RILP: variants seen among roughly 807,000 people sequenced by gnomAD.
The protein encoded by RILP is rab-interacting lysosomal protein.
In RILP, 53 loss-of-function variants were observed where a neutral mutation model predicts 40.0. The observed-to-expected ratio is 1.32, with a 90% CI of 1.06 to 1.66. RILP has a LOEUF of 1.66. Among genes scored for constraint, RILP ranks in the 40% most tolerant of loss-of-function variants. The probability of loss-of-function intolerance (pLI) is 0.00; values close to 1 mark genes in which losing one functional copy is unlikely to be tolerated. For synonymous variants in RILP, 272 were observed against 250.6 expected, an observed-to-expected ratio of 1.09 and a Z score of -0.80; for missense variants, 626 against 551.7, an observed-to-expected ratio of 1.13 and a Z score of -1.35.
Position 1,647,855 on chromosome 17 carries a change from T to C in RILP, c.924A>G (p.Thr308=). The C allele has an allele frequency of 4.3e-6, 7 of 1,614,124 alleles. No individual in the cohort carries two copies. The highest frequency in any genetic ancestry group is 5.9e-6 in the Non-Finnish European group (7 of 1,179,996). ...RKKIKAKMLG[T]PEEAESSEDE... ...CCTACCTGCTCTCTGCTTCCTCTGG[T>C]GTCCCTAACATCTTGGCCTTGATCT... Residue 308 remains threonine, a synonymous_variant, in exon 6 of 8, where the codon ACA becomes ACG. Transcript: ENST00000301336.
chr17:1,647,798 G>A (rs774247953), intron 6 of RILP, 37 bp downstream of exon 6: 9 of 1,613,238 alleles, frequency 5.6e-6, no homozygotes, highest in Non-Finnish European at 5.9e-6. Context: ...ATGAGGGAGG[G>A]AGGCCTGGCT....
rs1910604940 is a variant in RILP, at chr17:1,646,779, A to C, written c.1028+127T>G. 1.9e-6 allele frequency: 2 copies of C among 1,041,536 alleles called. No homozygotes were observed. The highest frequency in any genetic ancestry group is 2.8e-6 in the Non-Finnish European group (2 of 715,646). 64.5% of individuals were successfully genotyped at this position (1,041,536 alleles called of 1,614,324 possible). A position where few individuals can be genotyped will look rare whatever the true frequency, so the allele number is the denominator to read the frequency against. On this transcript the variant is annotated intron_variant, in intron 7 of 7. Transcript: ENST00000301336. This position sits in a 1 kb window ranked among gnomAD's most constrained non-coding sequence, Gnocchi z 4.3. ...GCCAGGGCCAGAGAAGCAGGAGGGG[A>C]CGGTGTGCTTAGAGCCAAGCACAGC...
At position 1,649,410 on chromosome 17, in the gene RILP, ACC is replaced by A. The variant is rs907580560; in HGVS notation, c.322_322+1del. On this transcript the variant is annotated splice_donor_variant and coding_sequence_variant, in exon 2 of 8. Transcript: ENST00000301336. LOFTEE classifies it high-confidence loss of function. The surrounding 1 kb of genome is among the most constrained non-coding windows in gnomAD (Gnocchi z 4.3). Reference sequence around the variant, plus strand: ...CCCTGCCCTGGCCGGGGCTGCGCTTACCCTGTGGCCCCGCGCGCAGCTCCCTG... The same window carrying A: ...CCCTGCCCTGGCCGGGGCTGCGCTTACTGTGGCCCCGCGCGCAGCTCCCTG... The A allele has an allele frequency of 4.7e-6, 7 of 1,505,228 alleles. No individual in the cohort carries two copies. Among genetic ancestry groups the A allele is most frequent in the African/African-American group, 1.4e-5 (1 of 69,062 alleles). 93.2% of individuals were successfully genotyped at this position (1,505,228 alleles called of 1,614,324 possible). A position where few individuals can be genotyped will look rare whatever the true frequency, so the allele number is the denominator to read the frequency against.
In RILP at chr17:1,648,261, C is replaced by T. The variant is rs1910728065; in HGVS notation, c.821+89G>A. The T allele has an allele frequency of 3.3e-6, 5 of 1,494,444 alleles. No homozygotes were observed. The East Asian group carries it at 1.2e-4, about 35-fold the overall frequency. The allele number at this position is 1,494,444 out of a possible 1,614,324, so 92.6% of individuals were successfully genotyped here. A position where few individuals can be genotyped will look rare whatever the true frequency, so the allele number is the denominator to read the frequency against. On this transcript the variant is annotated intron_variant, in intron 5 of 7. Transcript: ENST00000301336. The surrounding 1 kb of genome is among the most constrained non-coding windows in gnomAD (Gnocchi z 4.9). ...ATTCATGTCCTCCCAGTTCCCAGCGCAGGCCTGGCACATGTCACTGTGGAC... is the reference window on the plus strand; with the variant it reads ...ATTCATGTCCTCCCAGTTCCCAGCGTAGGCCTGGCACATGTCACTGTGGAC...
intron 6 of RILP, among the ~76,000 whole-genome samples, chr17:1,647,479 C>T (rs1910679857): frequency 6.6e-6 from 1 of 152,114 alleles, no homozygotes; most frequent in African/African-American, 2.4e-5. Flanking sequence ...CAGGCCCTGA[C>T]ACAGCCGCGG....
chr17:1,647,869 T>C lies in RILP; in HGVS notation c.910A>G (p.Lys304Glu). The C allele has an allele frequency of 6.2e-7, 1 of 1,614,152 alleles. No individual in the cohort carries two copies. Among genetic ancestry groups the C allele is most frequent in the Non-Finnish European group, 8.5e-7 (1 of 1,180,012 alleles). Residue 304 changes from lysine (K) to glutamate (E), a missense_variant, in exon 6 of 8, where the codon AAG becomes GAG. Physicochemically the swap from Lys to Glu is moderately conservative, Grantham distance 56. Transcript: ENST00000301336. Reference protein sequence around the residue: ...VRKQRKKIKAKMLGTPEEAES... With the variant: ...VRKQRKKIKAEMLGTPEEAES... Reference sequence around the variant, plus strand: ...GCTTCCTCTGGTGTCCCTAACATCTTGGCCTTGATCTTCTTCCGCTGCTTC... The same window carrying C: ...GCTTCCTCTGGTGTCCCTAACATCTCGGCCTTGATCTTCTTCCGCTGCTTC...
In RILP at chr17:1,649,155, C is replaced by T. The variant is rs1910803332; in HGVS notation, c.429+45G>A. The T allele has an allele frequency of 8.0e-7, 1 of 1,246,284 alleles. No individual in the cohort carries two copies. The highest frequency in any genetic ancestry group is 1.6e-5 in the African/African-American group (1 of 62,608). The allele number at this position is 1,246,284 out of a possible 1,614,324, so 77.2% of individuals were successfully genotyped here. On this transcript the variant is annotated intron_variant, in intron 3 of 7. Transcript: ENST00000301336. This position sits in a 1 kb window ranked among gnomAD's most constrained non-coding sequence, Gnocchi z 4.3. ...CCCCGGAGCCCCGCCCAGCGCCTGC[C>T]ACGCTCCGCCCCCGCCCCGCCCCAG...
chr17:1,648,799 C>A lies in RILP; in HGVS notation c.675G>T (p.Pro225=), dbSNP rs562495884. The A allele has an allele frequency of 2.3e-4, 340 of 1,511,106 alleles. 9 individuals are homozygous for A. In the South Asian group the frequency reaches 4.1e-3, roughly 18 times the overall value. 93.6% of individuals were successfully genotyped at this position (1,511,106 alleles called of 1,614,324 possible). A position where few individuals can be genotyped will look rare whatever the true frequency, so the allele number is the denominator to read the frequency against. Residue 225 remains proline, a splice_region_variant and synonymous_variant, in exon 4 of 8, where the codon CCG becomes CCT. Coordinates refer to ENST00000301336, the MANE Select transcript of RILP (RefSeq NM_031430.3). This position sits in a 1 kb window ranked among gnomAD's most constrained non-coding sequence, Gnocchi z 4.9. ...GTCCTTGCCCTCATACGGCACTCACCGGGTCCTCAGGGTTCCCTGGGGCGC... is the reference window on the plus strand; with the variant it reads ...GTCCTTGCCCTCATACGGCACTCACAGGGTCCTCAGGGTTCCCTGGGGCGC... The part of the protein sequence containing the change: ...GAGAPGNPED[P]AEAAQQLGRP...
In RILP at chr17:1,648,719, C is replaced by T; in HGVS notation, c.675+80G>A. The T allele has an allele frequency of 1.4e-6, 2 of 1,435,962 alleles. No homozygotes were observed. The highest frequency in any genetic ancestry group is 1.8e-6 in the Non-Finnish European group (2 of 1,098,210). The allele number at this position is 1,435,962 out of a possible 1,614,324, so 89.0% of individuals were successfully genotyped here. On this transcript the variant is annotated intron_variant, in intron 4 of 7. Transcript: ENST00000301336. The surrounding 1 kb of genome is among the most constrained non-coding windows in gnomAD (Gnocchi z 4.9). ...GCTTCCTGGCCGACCTGCTGTGCAGCATGCAAACCTTGCTTGAGTGCCCAC... is the reference window on the plus strand; with the variant it reads ...GCTTCCTGGCCGACCTGCTGTGCAGTATGCAAACCTTGCTTGAGTGCCCAC...
Position 1,648,382 on chromosome 17 carries a change from G to C in RILP, c.789C>G (p.Phe263Leu). The change falls in exon 5 of 8, where the codon TTC (phenylalanine) becomes TTG (leucine). Residue 263 changes from phenylalanine (F) to leucine (L), a missense_variant. Transcript: ENST00000301336. This position sits in a 1 kb window ranked among gnomAD's most constrained non-coding sequence, Gnocchi z 4.9. ...AGTAGGCCAGTTCCTCCTTGAGCAG[G>C]AACACTTTGGCTTTGAGTTCATTCC... ...QERNELKAKV[F>L]LLKEELAYFQ... The C allele has an allele frequency of 6.2e-7, 1 of 1,614,108 alleles. No individual in the cohort carries two copies. The highest frequency in any genetic ancestry group is 8.5e-7 in the Non-Finnish European group (1 of 1,179,994).
chr17:1,648,532 G>A lies in RILP; in HGVS notation c.676-37C>T. On this transcript the variant is annotated intron_variant, in intron 4 of 7. Coordinates refer to ENST00000301336, the MANE Select transcript of RILP (RefSeq NM_031430.3). The surrounding 1 kb of genome is among the most constrained non-coding windows in gnomAD (Gnocchi z 4.9). ...CAGGCACAGTCAGAGGGTCGCCTCG[G>A]CTGGCGTTCCCCCGCCCCAGGGCCA... 1 of 1,602,084 alleles carries A rather than the reference G, an allele frequency of 6.2e-7. No individual in the cohort carries two copies. Among genetic ancestry groups the A allele is most frequent in the South Asian group, 1.1e-5 (1 of 90,372 alleles).
At position 1,647,937 on chromosome 17, in the gene RILP, C is replaced by T. The variant is rs34982553; in HGVS notation, c.842G>A (p.Arg281Gln). The change falls in exon 6 of 8, where the codon CGG becomes CAG. Residue 281 changes from arginine to glutamine, a missense_variant. Arg to Gln is a conservative substitution (Grantham distance 43). Coordinates refer to ENST00000301336, the MANE Select transcript of RILP (RefSeq NM_031430.3). ...YFQRELLTDHRVPGLLLEAMK... is the reference protein window; with the variant it reads ...YFQRELLTDHQVPGLLLEAMK... Reference sequence around the variant, plus strand: ...GGCCTCGAGCAGAAGGCCGGGGACCCGGTGGTCTGTGAGCAGCTCCCTAAA... The same window carrying T: ...GGCCTCGAGCAGAAGGCCGGGGACCTGGTGGTCTGTGAGCAGCTCCCTAAA... The T allele has an allele frequency of 0.01, 16,877 of 1,613,964 alleles. 1,498 individuals carry two copies. The African/African-American group carries it at 0.19, about 19-fold the overall frequency.
rs375926334 is a variant in RILP, at chr17:1,648,790, G to C, written c.675+9C>G. 1.0e-5 allele frequency: 15 copies of C among 1,499,358 alleles called. No individual in the cohort carries two copies. The highest frequency in any genetic ancestry group is 1.3e-5 in the Non-Finnish European group (15 of 1,134,044). 92.9% of individuals were successfully genotyped at this position (1,499,358 alleles called of 1,614,324 possible). ...CTGGGCTGGGTCCTTGCCCTCATAC[G>C]GCACTCACCGGGTCCTCAGGGTTCC... On this transcript the variant is annotated intron_variant, in intron 4 of 7. Transcript: ENST00000301336. This position sits in a 1 kb window ranked among gnomAD's most constrained non-coding sequence, Gnocchi z 4.9.
In RILP at chr17:1,646,355, T is replaced by G; in HGVS notation, c.*87A>C. 1.5e-6 allele frequency: 2 copies of G among 1,321,890 alleles called. No individual in the cohort carries two copies. The highest frequency in any genetic ancestry group is 2.1e-6 in the Non-Finnish European group (2 of 968,678). The allele number at this position is 1,321,890 out of a possible 1,614,324, so 81.9% of individuals were successfully genotyped here. On this transcript the variant is annotated 3_prime_UTR_variant, in exon 8 of 8. Transcript: ENST00000301336. The surrounding 1 kb of genome is among the most constrained non-coding windows in gnomAD (Gnocchi z 4.3). Reference sequence around the variant, plus strand: ...CGTCCTGCCCTGATGCAGGCCAGGATTGGGGCAGACCCCTGGCGAGGGCTG... The same window carrying G: ...CGTCCTGCCCTGATGCAGGCCAGGAGTGGGGCAGACCCCTGGCGAGGGCTG...
Position 1,648,917 on chromosome 17 carries a change from G to A in RILP, c.557C>T (p.Ala186Val). The change falls in exon 4 of 8, where the codon GCG becomes GTG. Residue 186 changes from alanine (A) to valine (V), a missense_variant. Physicochemically the swap from Ala to Val is moderately conservative, Grantham distance 64. Transcript: ENST00000301336. The surrounding 1 kb of genome is among the most constrained non-coding windows in gnomAD (Gnocchi z 4.9). ...ERERQQPGEA[A>V]TPQAKERARG... The stretch of plus-strand genomic sequence containing the variant: ...CGCTCGCTCTTTAGCCTGCGGAGTC[G>A]CGGCTTCGCCAGGCTGCTGGCGCTC... The A allele has an allele frequency of 6.6e-7, 1 of 1,522,338 alleles. No homozygotes were observed. The highest frequency in any genetic ancestry group is 1.4e-5 in the African/African-American group (1 of 71,362). The allele number at this position is 1,522,338 out of a possible 1,614,324, so 94.3% of individuals were successfully genotyped here.
In RILP at chr17:1,649,105, A is replaced by T. The variant is rs1597219655; in HGVS notation, c.430-61T>A. Reference sequence around the variant, plus strand: ...CCGAGGGCCCCCCGGAGCCCCGCCCAGCGCCTGCCTCGCTCCGCCCCCGCC... The same window carrying T: ...CCGAGGGCCCCCCGGAGCCCCGCCCTGCGCCTGCCTCGCTCCGCCCCCGCC... On this transcript the variant is annotated intron_variant, in intron 3 of 7. Transcript: ENST00000301336. The surrounding 1 kb of genome is among the most constrained non-coding windows in gnomAD (Gnocchi z 4.3). The T allele has an allele frequency of 5.4e-6, 4 of 735,840 alleles. No individual in the cohort carries two copies. Among genetic ancestry groups the T allele is most frequent in the Non-Finnish European group, 7.1e-6 (4 of 563,112 alleles). The allele number at this position is 735,840 out of a possible 1,614,324, so 45.6% of individuals were successfully genotyped here.
Position 1,648,231 on chromosome 17 carries a change from G to A in RILP, c.821+119C>T. The A allele has an allele frequency of 1.5e-6, 2 of 1,331,456 alleles. No homozygotes were observed. The highest frequency in any genetic ancestry group is 2.1e-6 in the Non-Finnish European group (2 of 965,480). The allele number at this position is 1,331,456 out of a possible 1,614,324, so 82.5% of individuals were successfully genotyped here. On this transcript the variant is annotated intron_variant, in intron 5 of 7. Transcript: ENST00000301336. The surrounding 1 kb of genome is among the most constrained non-coding windows in gnomAD (Gnocchi z 4.9). ...ATGACATTGCAGGAGGGCAAGGGCT[G>A]TACAATTCATGTCCTCCCAGTTCCC...
Position 1,648,868 on chromosome 17 carries a change from C to G in RILP, c.606G>C (p.Gly202=). The G allele has an allele frequency of 6.5e-7, 1 of 1,534,864 alleles. No homozygotes were observed. The part of the protein sequence containing the change: ...ERARGQAGRP[G]HQHGQEPEWA... ...ATTCGGGCTCCTGTCCGTGCTGGTG[C>G]CCGGGCCGCCCGGCCTGCCCCCGCG... Residue 202 remains glycine, a synonymous_variant, in exon 4 of 8, where the codon GGG becomes GGC. Transcript: ENST00000301336. The surrounding 1 kb of genome is among the most constrained non-coding windows in gnomAD (Gnocchi z 4.9).
In RILP at chr17:1,646,751, G is replaced by A; in HGVS notation, c.1029-132C>T. The A allele has an allele frequency of 2.7e-6, 3 of 1,106,728 alleles. No individual in the cohort carries two copies. The highest frequency in any genetic ancestry group is 2.6e-6 in the Non-Finnish European group (2 of 772,608). The allele number at this position is 1,106,728 out of a possible 1,614,324, so 68.6% of individuals were successfully genotyped here. A position where few individuals can be genotyped will look rare whatever the true frequency, so the allele number is the denominator to read the frequency against. ...AGCCTGAGGGAGTGTGAAGGTGATG[G>A]GGGCCAGGGCCAGAGAAGCAGGAGG... On this transcript the variant is annotated intron_variant, in intron 7 of 7. Transcript: ENST00000301336. The surrounding 1 kb of genome is among the most constrained non-coding windows in gnomAD (Gnocchi z 4.3).
Sources: gnomAD v4.1 joint callset for allele counts (sites outside exome capture counted in the v4.1 genomes callset) on GRCh38, gnomAD v4.1.1 for gene constraint, Gnocchi (gnomAD v3.1) non-coding constraint, MANE v1.5 for transcripts, NCBI Gene and HGNC (gene_info 2026-07-23, HGNC 2026-07-21) for gene names.